DNMT3A: variants seen among roughly 807,000 people sequenced by gnomAD.
The protein encoded by DNMT3A is DNA methyltransferase 3 alpha.
DNMT3A carries 267 observed loss-of-function variants against 117.6 expected under a neutral mutation model. The observed-to-expected ratio is 2.27, with a 90% CI of 2.05 to 2.51. DNMT3A has a LOEUF of 2.51. Ranked by LOEUF, DNMT3A falls within the 30% of genes most tolerant of loss-of-function variation. The probability of loss-of-function intolerance (pLI) is 0.00; values close to 1 mark genes in which losing one functional copy is unlikely to be tolerated. For missense variants in DNMT3A, 1,029 were observed against 1,260.2 expected (o/e 0.82, Z 2.78); for synonymous variants, 432 against 474.8 (o/e 0.91, Z 1.17).
At chr2:25,280,694 C>T (rs1405345948) in intron 4 of DNMT3A, among the ~76,000 whole-genome samples, 1 of 152,210 alleles carries the variant, frequency 6.6e-6, no homozygotes. Context: ...TCCTTGAGGG[C>T]AAGAAGCAGG....
rs1673517350 is a variant in DNMT3A, at chr2:25,237,651, G to T, written c.2409-646C>A. On this transcript the variant is annotated intron_variant, in intron 20 of 22. Coordinates refer to ENST00000321117, the MANE Select transcript of DNMT3A (RefSeq NM_022552.5). This position sits in a 1 kb window ranked among gnomAD's most constrained non-coding sequence, Gnocchi z 5.4. Reference sequence around the variant, plus strand: ...GTGGTGGCAGGTGCCTGTAATCCCAGCTACTCGGGAGGCTGAGGCAGGAGA... The same window carrying T: ...GTGGTGGCAGGTGCCTGTAATCCCATCTACTCGGGAGGCTGAGGCAGGAGA... Among the ~76,000 whole-genome samples, 1 of 152,096 alleles carries T rather than the reference G, an allele frequency of 6.6e-6. No homozygotes were observed. The highest frequency in any genetic ancestry group is 2.4e-5 in the African/African-American group (1 of 41,402).
intron 6 of DNMT3A, among the ~76,000 whole-genome samples, chr2:25,256,532 A>G (rs1358577784): frequency 2.0e-5 from 3 of 152,226 alleles, no homozygotes; most frequent in Non-Finnish European, 4.4e-5. Flanking sequence ...TTAGTTCCTC[A>G]GTCACACTGG....
rs898074810 is a variant in DNMT3A, at chr2:25,236,643, G to A, written c.2478+293C>T. Among the ~76,000 whole-genome samples the A allele has an allele frequency of 3.3e-5, 5 of 152,048 alleles. No homozygotes were observed. The highest frequency in any genetic ancestry group is 1.2e-4 in the African/African-American group (5 of 41,380). Reference sequence around the variant, plus strand: ...TTTGAGGGCTTTTGTAATAGGTTTTGGCCAAAAAATTTAAAAATGAAAAAA... The same window carrying A: ...TTTGAGGGCTTTTGTAATAGGTTTTAGCCAAAAAATTTAAAAATGAAAAAA... On this transcript the variant is annotated intron_variant, in intron 21 of 22. Coordinates refer to ENST00000321117, the MANE Select transcript of DNMT3A (RefSeq NM_022552.5). This position sits in a 1 kb window ranked among gnomAD's most constrained non-coding sequence, Gnocchi z 4.5.
Position 25,236,721 on chromosome 2 carries a change from T to C in DNMT3A, c.2478+215A>G, listed in dbSNP as rs553220492. ...AAGACTCCTCAGTGTCTACCGGGGG[T>C]GATGGGCGACACTCACCAGGGAGGA... On this transcript the variant is annotated intron_variant, in intron 21 of 22. Coordinates refer to ENST00000321117, the MANE Select transcript of DNMT3A (RefSeq NM_022552.5). This position sits in a 1 kb window ranked among gnomAD's most constrained non-coding sequence, Gnocchi z 4.5. Among the ~76,000 whole-genome samples the C allele has an allele frequency of 2.0e-5, 3 of 151,982 alleles. No individual in the cohort carries two copies. In the South Asian group the frequency reaches 6.3e-4, roughly 32 times the overall value.
In DNMT3A at chr2:25,304,923, A is replaced by G. The variant is rs2033707617; in HGVS notation, c.73-4680T>C. Among the ~76,000 whole-genome samples the G allele has an allele frequency of 6.6e-6, 1 of 152,128 alleles. No homozygotes were observed. Among genetic ancestry groups the G allele is most frequent in the African/African-American group, 2.4e-5 (1 of 41,426 alleles). ...CTCCTCCCATCCCCTGCCTAGACTGAGCTGAAAGACCCTTCCTCTCCTATA... is the reference window on the plus strand; with the variant it reads ...CTCCTCCCATCCCCTGCCTAGACTGGGCTGAAAGACCCTTCCTCTCCTATA... On this transcript the variant is annotated intron_variant, in intron 2 of 22. Transcript: ENST00000321117. This position sits in a 1 kb window ranked among gnomAD's most constrained non-coding sequence, Gnocchi z 4.3.
chr2:25,279,696 T>G (rs2149374533), intron 4 of DNMT3A, among the ~76,000 whole-genome samples: 1 of 150,822 alleles, frequency 6.6e-6, no homozygotes, highest in South Asian at 2.1e-4. Flanking sequence ...TTTTTTTTTG[T>G]ATTTTTTTGA....
intron 20 of DNMT3A, among the ~76,000 whole-genome samples, chr2:25,238,700 G>A (rs1157221318): frequency 6.6e-6 from 1 of 152,188 alleles, no homozygotes. Context: ...GCAGAACCCT[G>A]AACTTGCATG....
At chr2:25,244,484 G>A (rs1171106869) in intron 14 of DNMT3A, 56 bp downstream of exon 14, 3 of 1,598,822 alleles carry the variant, frequency 1.9e-6, no homozygotes, top group Admixed American at 1.7e-5. Flanking sequence ...GAGGCGGTGG[G>A]CGGCGGGAGC....
intron 2 of DNMT3A, among the ~76,000 whole-genome samples, chr2:25,307,459 CT>C (rs35144977): frequency 0.036 from 2,832 of 79,042 alleles, 9 homozygotes; most frequent in South Asian, 0.06. Context: ...CACACCGCAG[CT>C]TTTTTTTTTT....
At chr2:25,261,955 G>A (rs1316063505) in intron 6 of DNMT3A, among the ~76,000 whole-genome samples, 1 of 152,132 alleles carries the variant, frequency 6.6e-6, no homozygotes, top group Non-Finnish European at 1.5e-5. Flanking sequence ...GGGAGGCCAA[G>A]GTGGGCAGAT....
chr2:25,264,207 T>C (rs2030002003), intron 6 of DNMT3A, among the ~76,000 whole-genome samples: 1 of 138,182 alleles, frequency 7.2e-6, no homozygotes, highest in Non-Finnish European at 1.5e-5. Flanking sequence ...TGGCGCAATC[T>C]TGACTCACTG....
At chr2:25,342,230 G>T (rs1348277702), upstream of DNMT3A, among the ~76,000 whole-genome samples, 2 of 146,990 alleles carry the variant, frequency 1.4e-5, no homozygotes, top group Non-Finnish European at 3.0e-5. This position sits in a 1 kb window ranked among gnomAD's most constrained non-coding sequence, Gnocchi z 5.9. Context: ...TAGCGCCCTC[G>T]GCGCGACTTC....
intron 10 of DNMT3A, 63 bp from the exon 11 acceptor site, chr2:25,246,372 C>T: frequency 6.5e-7 from 1 of 1,540,726 alleles, no homozygotes; most frequent in South Asian, 1.3e-5. Context: ...AGCCCCTTCC[C>T]CCACCCTCCT....
chr2:25,262,829 C>T (rs1411796662), intron 6 of DNMT3A, among the ~76,000 whole-genome samples: 1 of 152,212 alleles, frequency 6.6e-6, no homozygotes, highest in East Asian at 1.9e-4. Context: ...GCCCATCCTC[C>T]CTAACCCCTG....
intron 1 of DNMT3A, chr2:25,328,685 A>C (rs953190057): frequency 1.9e-6 from 1 of 522,546 alleles, no homozygotes; most frequent in African/African-American, 1.9e-5. Context: ...CATCCCCAGC[A>C]CAGTGCTGCG....
At chr2:25,274,155 T>C (rs1049675210) in intron 6 of DNMT3A, among the ~76,000 whole-genome samples, 1 of 152,176 alleles carries the variant, frequency 6.6e-6, no homozygotes, top group African/African-American at 2.4e-5. Flanking sequence ...TCTGAGCAAA[T>C]GGCACAACCA....
At chr2:25,326,409 G>C (rs936738520) in intron 1 of DNMT3A, among the ~76,000 whole-genome samples, 2 of 152,088 alleles carry the variant, frequency 1.3e-5, no homozygotes, top group Non-Finnish European at 2.9e-5. Context: ...GTTTTTGTAT[G>C]GGAGTTCAGA....
In DNMT3A at chr2:25,231,365, C is replaced by T. The variant is rs573350214; in HGVS notation, c.*2914G>A. The T allele has an allele frequency of 1.1e-4, 16 of 152,342 alleles. No homozygotes were observed. Among genetic ancestry groups the T allele is most frequent in the Middle Eastern group, 3.4e-3 (1 of 298 alleles). 9.4% of individuals were successfully genotyped at this position (152,342 alleles called of 1,614,324 possible). On this transcript the variant is annotated 3_prime_UTR_variant, in exon 23 of 23. Transcript: ENST00000321117. ...CCACAGCAGCCCAGTCACCACCTGT[C>T]AAGAGGTGACAGGAAGCAACTGGGC...
At chr2:25,245,386 C>T (rs1674631753) in intron 12 of DNMT3A, 54 bp from the exon 13 acceptor site, 3 of 1,532,522 alleles carry the variant, frequency 2.0e-6, no homozygotes, top group Admixed American at 1.8e-5. Flanking sequence ...CCTCTCCCTC[C>T]CCGGGCCGGA....
Sources: gnomAD v4.1 joint callset for allele counts (sites outside exome capture counted in the v4.1 genomes callset) on GRCh38, gnomAD v4.1.1 for gene constraint, Gnocchi (gnomAD v3.1) non-coding constraint, MANE v1.5 for transcripts, NCBI Gene and HGNC (gene_info 2026-07-23, HGNC 2026-07-21) for gene names.